Variants in TM2D1 observed in about 807,000 individuals in gnomAD.
TM2D1 encodes the protein TM2 domain containing 1.
A neutral mutation model predicts 28.4 loss-of-function variants in TM2D1; 15 were observed. The ratio of observed to expected loss-of-function variants is 0.53; its 90% CI spans 0.35 to 0.81. The LOEUF is 0.81. TM2D1 is among the 40% of genes least tolerant of loss of function. The probability of loss-of-function intolerance (pLI) is 0.01; values close to 1 mark genes in which losing one functional copy is unlikely to be tolerated. For missense variants in TM2D1, 236 were observed against 254.9 expected (o/e 0.93, Z 0.50); for synonymous variants, 93 against 96.2 (o/e 0.97, Z 0.20).
intron 3 of TM2D1, among the ~76,000 whole-genome samples, chr1:61,704,109 C>T (rs1229841595): frequency 7.2e-5 from 11 of 152,036 alleles, no homozygotes; most frequent in African/African-American, 2.7e-4. Context: ...AGGCTGGTCT[C>T]GAACTCCTGA....
At chr1:61,693,753 G>C (rs1644344366) in intron 5 of TM2D1, among the ~76,000 whole-genome samples, 1 of 152,196 alleles carries the variant, frequency 6.6e-6, no homozygotes, top group South Asian at 2.1e-4. Flanking sequence ...GAATTGAAGA[G>C]TGGAAATACT....
At chr1:61,707,460 C>G (rs897283225) in intron 3 of TM2D1, among the ~76,000 whole-genome samples, 1 of 152,120 alleles carries the variant, frequency 6.6e-6, no homozygotes, top group African/African-American at 2.4e-5. Context: ...GATTTTCTTA[C>G]TGTAACCTAT....
intron 5 of TM2D1, 114 bp from the exon 6 acceptor site, chr1:61,683,660 C>G (rs1644263667): frequency 7.1e-6 from 4 of 562,636 alleles, no homozygotes; most frequent in East Asian, 3.6e-5. Context: ...AAATCCAGCT[C>G]TAACCTAAGC....
chr1:61,692,251 C>G (rs1282901871), intron 5 of TM2D1, among the ~76,000 whole-genome samples: 1 of 151,548 alleles, frequency 6.6e-6, no homozygotes, highest in Non-Finnish European at 1.5e-5. Flanking sequence ...GGAAACATAG[C>G]AACATGTAAA....
At chr1:61,710,539 T>C (rs1434263735) in intron 2 of TM2D1, among the ~76,000 whole-genome samples, 2 of 138,532 alleles carry the variant, frequency 1.4e-5, no homozygotes, top group African/African-American at 2.7e-5. Flanking sequence ...CATATACGAC[T>C]ACCCACCTCA....
chr1:61,694,819 T>G, intron 4 of TM2D1, 49 bp from the exon 5 acceptor site: 1 of 1,179,460 alleles, frequency 8.5e-7, no homozygotes, highest in Non-Finnish European at 1.2e-6. Context: ...CTTCTAAATA[T>G]TAACAAACTG....
chr1:61,692,114 G>A (rs1266554142), intron 5 of TM2D1, among the ~76,000 whole-genome samples: 2 of 150,532 alleles, frequency 1.3e-5, no homozygotes, highest in East Asian at 3.9e-4. Context: ...TAGATTTTCT[G>A]GACTGTATTC....
chr1:61,681,599 CA>C (rs1229276733), intron 6 of TM2D1, among the ~76,000 whole-genome samples: 1 of 152,124 alleles, frequency 6.6e-6, no homozygotes, highest in Non-Finnish European at 1.5e-5. Flanking sequence ...AATAGGCTAC[CA>C]AGAATGAGAT....
intron 2 of TM2D1, among the ~76,000 whole-genome samples, chr1:61,719,184 A>C (rs940288941): frequency 5.3e-5 from 8 of 151,874 alleles, no homozygotes; most frequent in African/African-American, 1.9e-4. Flanking sequence ...CAGCCTCCCA[A>C]GTAGCTGGGA....
intron 3 of TM2D1, among the ~76,000 whole-genome samples, chr1:61,702,614 C>T (rs979021649): frequency 6.6e-6 from 1 of 150,790 alleles, no homozygotes; most frequent in African/African-American, 2.4e-5. Flanking sequence ...GTGACCCACC[C>T]GCCTTGGCCT....
chr1:61,712,263 C>G (rs1413300192), intron 2 of TM2D1, among the ~76,000 whole-genome samples: 1 of 152,100 alleles, frequency 6.6e-6, no homozygotes, highest in African/African-American at 2.4e-5. Flanking sequence ...AGAAACCCTG[C>G]TATAGATTAG....
chr1:61,708,397 T>C (rs2148055972), intron 3 of TM2D1, among the ~76,000 whole-genome samples: 1 of 152,316 alleles, frequency 6.6e-6, no homozygotes. Flanking sequence ...AAGCCATTTG[T>C]CTTACTATCC....
rs1316880566 is a variant in TM2D1 at position 61,691,921 on chromosome 1, TA to T, written c.513+2775del. Among the ~76,000 whole-genome samples, 54 of 62,064 alleles carry T rather than the reference TA, an allele frequency of 8.7e-4. 1 individual carries two copies. Among genetic ancestry groups the T allele is most frequent in the East Asian group, 2.1e-3 (3 of 1,446 alleles). 40.7% of individuals were successfully genotyped at this position (62,064 alleles called of 152,430 possible). Reference sequence around the variant, plus strand: ...CGAAAACTCCATCTCAAAAAAAACTTAAAAAAAAAAAATATATATATATATA... The same window carrying T: ...CGAAAACTCCATCTCAAAAAAAACTTAAAAAAAAAAATATATATATATATA... On this transcript the variant is annotated intron_variant, in intron 5 of 6. Coordinates refer to ENST00000606498, the MANE Select transcript of TM2D1 (RefSeq NM_032027.3).
At chr1:61,696,397 G>T (rs1033545277) in intron 4 of TM2D1, among the ~76,000 whole-genome samples, 2 of 152,090 alleles carry the variant, frequency 1.3e-5, no homozygotes, top group African/African-American at 4.8e-5. Context: ...AAATTATCCA[G>T]GCATGGTGGC....
intron 6 of TM2D1, among the ~76,000 whole-genome samples, 177 bp from the exon 7 acceptor site, chr1:61,681,527 A>C (rs1028944945): frequency 5.3e-5 from 8 of 152,300 alleles, no homozygotes; most frequent in African/African-American, 1.9e-4. Flanking sequence ...TGGCCTTCTC[A>C]ATGGGCCTTT....
chr1:61,722,328 G>A (rs1644573937), intron 2 of TM2D1, among the ~76,000 whole-genome samples: 1 of 152,020 alleles, frequency 6.6e-6, no homozygotes, highest in East Asian at 1.9e-4. Context: ...ATATTGCTTA[G>A]TATGTATACA....
intron 5 of TM2D1, among the ~76,000 whole-genome samples, chr1:61,685,880 G>C (rs1258065048): frequency 6.6e-6 from 1 of 152,196 alleles, no homozygotes; most frequent in Non-Finnish European, 1.5e-5. Context: ...AGGTGCCATG[G>C]TGTGCGCTTG....
intron 5 of TM2D1, among the ~76,000 whole-genome samples, chr1:61,692,754 A>C (rs1174638909): frequency 6.6e-6 from 1 of 152,088 alleles, no homozygotes; most frequent in Non-Finnish European, 1.5e-5. Context: ...ATGAAGAATA[A>C]GGCTACCCAT....
chr1:61,707,107 T>C (rs1371968757), intron 3 of TM2D1, among the ~76,000 whole-genome samples: 5 of 151,886 alleles, frequency 3.3e-5, no homozygotes, highest in African/African-American at 7.3e-5. Context: ...ATACAAAAAT[T>C]AGCCGAGCTT....
Sources: gnomAD v4.1 joint callset for allele counts (sites outside exome capture counted in the v4.1 genomes callset) on GRCh38, gnomAD v4.1.1 for gene constraint, MANE v1.5 for transcripts, NCBI Gene and HGNC (gene_info 2026-07-23, HGNC 2026-07-21) for gene names.